ATRN: variants seen among roughly 807,000 people sequenced by gnomAD.
ATRN encodes the protein attractin, also known as attractin-2.
Under a neutral mutation model 178.7 loss-of-function variants are expected in ATRN, and 54 were observed. The ratio of observed to expected loss-of-function variants is 0.30; its 90% CI spans 0.24 to 0.38. The LOEUF (loss-of-function observed/expected upper bound fraction) is 0.38, where lower values mean the gene tolerates loss of function less well. Among genes scored for constraint, ATRN ranks in the 10% least tolerant of loss-of-function variants. ATRN has a pLI of 1.00. For synonymous variants in ATRN, 636 were observed against 663.0 expected (o/e 0.96, Z 0.63); for missense variants, 1,443 against 1,815.1 (o/e 0.79, Z 3.73).
chr20:3,479,554 T>G lies in ATRN; in HGVS notation c.410+8037T>G, dbSNP rs570856326. Among the ~76,000 whole-genome samples, 3 of 152,310 alleles carry G rather than the reference T, an allele frequency of 2.0e-5. No individual in the cohort carries two copies. The East Asian group carries it at 5.8e-4, about 29-fold the overall frequency. The stretch of plus-strand genomic sequence containing the variant: ...TTCCAGAAGGAATGAAGAGTTGATG[T>G]GCAAAGGCAAAGAATTATGGATTAT... On this transcript the variant is annotated intron_variant, in intron 1 of 28. Coordinates refer to ENST00000262919, the MANE Select transcript of ATRN (RefSeq NM_139321.3).
At chr20:3,630,932 T>TGGGGA (rs2086985100) in intron 25 of ATRN, among the ~76,000 whole-genome samples, 1 of 28,400 alleles carries the variant, frequency 3.5e-5, no homozygotes, top group Non-Finnish European at 7.3e-5. Context: ...TTTTTTTTTT[T>TGGGGA]TTTTTTTTTT....
intron 24 of ATRN, among the ~76,000 whole-genome samples, chr20:3,611,608 G>A (rs1245299881): frequency 1.3e-5 from 2 of 152,168 alleles, no homozygotes; most frequent in Non-Finnish European, 2.9e-5. Flanking sequence ...CAGGCATGGT[G>A]GCACATGCCT....
At chr20:3,634,058 A>G (rs552831206) in intron 25 of ATRN, among the ~76,000 whole-genome samples, 4 of 152,330 alleles carry the variant, frequency 2.6e-5, no homozygotes, top group African/African-American at 9.6e-5. Context: ...ATGAAGGCCA[A>G]GTGGAAGGTC....
intron 24 of ATRN, among the ~76,000 whole-genome samples, chr20:3,621,519 G>A (rs534940310): frequency 1.3e-5 from 2 of 152,324 alleles, no homozygotes; most frequent in South Asian, 4.1e-4. Context: ...TGTGGAAGTC[G>A]TAGGACGTGA....
At chr20:3,629,452 C>T (rs2146319468) in intron 25 of ATRN, among the ~76,000 whole-genome samples, 1 of 152,304 alleles carries the variant, frequency 6.6e-6, no homozygotes, top group South Asian at 2.1e-4. Context: ...TTCTCACTAC[C>T]CTTCATTCTG....
intron 1 of ATRN, among the ~76,000 whole-genome samples, chr20:3,481,791 CTTT>C (rs780144563): frequency 1.0e-5 from 1 of 100,496 alleles, no homozygotes; most frequent in South Asian, 3.2e-4. Flanking sequence ...GGTGAATTTC[CTTT>C]TTTTTTTTTT....
chr20:3,520,074 A>G (rs1480264634), intron 1 of ATRN, among the ~76,000 whole-genome samples: 1 of 152,224 alleles, frequency 6.6e-6, no homozygotes, highest in African/African-American at 2.4e-5. Context: ...TTTTATGTTT[A>G]AAATTATATC....
At position 3,540,213 on chromosome 20, in the gene ATRN, TC is replaced by T; in HGVS notation, c.495-8del. Reference sequence around the variant, plus strand: ...CTTTATTATAAATTACTTTTTTTATTCTTTTCAGGCCAAATAGAATAATGAG... The same window carrying T: ...CTTTATTATAAATTACTTTTTTTATTTTTTCAGGCCAAATAGAATAATGAG... On this transcript the variant is annotated splice_polypyrimidine_tract_variant and splice_region_variant and intron_variant, in intron 2 of 28. Coordinates refer to ENST00000262919, the MANE Select transcript of ATRN (RefSeq NM_139321.3). The T allele has an allele frequency of 6.6e-7, 1 of 1,509,688 alleles. No homozygotes were observed. The highest frequency in any genetic ancestry group is 9.0e-7 in the Non-Finnish European group (1 of 1,108,270). The allele number at this position is 1,509,688 out of a possible 1,614,324, so 93.5% of individuals were successfully genotyped here.
intron 1 of ATRN, among the ~76,000 whole-genome samples, chr20:3,492,859 GCGCGCGCGTGCGCA>G (rs1404292428): frequency 1.6e-5 from 2 of 122,122 alleles, no homozygotes; most frequent in Non-Finnish European, 3.4e-5. Context: ...AGAGAGGCGC[GCGCGCGCGTGCGCA>G]CGCACACACA....
At chr20:3,499,567 AAAAC>A (rs1244803396) in intron 1 of ATRN, among the ~76,000 whole-genome samples, 1 of 151,704 alleles carries the variant, frequency 6.6e-6, no homozygotes, top group African/African-American at 2.4e-5. Context: ...AAACCTGAGA[AAAAC>A]AAGCATTGGG....
At chr20:3,500,675 G>A (rs2084949745) in intron 1 of ATRN, among the ~76,000 whole-genome samples, 1 of 138,090 alleles carries the variant, frequency 7.2e-6, no homozygotes. Context: ...ATCACACTCT[G>A]GGGACTGTTG....
At chr20:3,545,472 T>G (rs570722144) in intron 3 of ATRN, among the ~76,000 whole-genome samples, 1 of 152,176 alleles carries the variant, frequency 6.6e-6, no homozygotes, top group Admixed American at 6.5e-5. Context: ...GGTTTATTTT[T>G]TCAAAGAAGC....
intron 1 of ATRN, among the ~76,000 whole-genome samples, chr20:3,513,185 T>C (rs1003693585): frequency 7.9e-5 from 12 of 152,230 alleles, no homozygotes; most frequent in South Asian, 4.1e-4. Context: ...TCCTTGCCCA[T>C]GCCTGTGTCC....
intron 11 of ATRN, among the ~76,000 whole-genome samples, chr20:3,570,968 G>A (rs1020108818): frequency 6.6e-6 from 1 of 152,190 alleles, no homozygotes; most frequent in African/African-American, 2.4e-5. Flanking sequence ...ACGTTTGTGT[G>A]TTTGACCTTC....
At chr20:3,637,085 A>T (rs963883190) in intron 26 of ATRN, among the ~76,000 whole-genome samples, 19 of 152,238 alleles carry the variant, frequency 1.2e-4, no homozygotes, top group African/African-American at 4.6e-4. Flanking sequence ...TACAGGAAAA[A>T]GATTAAAATA....
At chr20:3,568,321 T>C (rs994807689) in intron 11 of ATRN, among the ~76,000 whole-genome samples, 1 of 149,496 alleles carries the variant, frequency 6.7e-6, no homozygotes, top group African/African-American at 2.5e-5. Context: ...AAACCTTATA[T>C]TAATTTTTTA....
chr20:3,495,051 G>C (rs2084859814), intron 1 of ATRN, among the ~76,000 whole-genome samples: 1 of 152,068 alleles, frequency 6.6e-6, no homozygotes, highest in South Asian at 2.1e-4. Flanking sequence ...CATTTATAAT[G>C]GTTGTAGCTT....
chr20:3,475,010 C>T (rs545002447), intron 1 of ATRN, among the ~76,000 whole-genome samples: 16 of 129,572 alleles, frequency 1.2e-4, no homozygotes, highest in Admixed American at 3.8e-4. Flanking sequence ...CCAGACCAGG[C>T]GAGGGTGTGA....
At position 3,650,210 on chromosome 20, in the gene ATRN, A is replaced by G. The variant is rs1484291308; in HGVS notation, c.*3363A>G. On this transcript the variant is annotated 3_prime_UTR_variant, in exon 29 of 29. Transcript: ENST00000262919. ...GTGCAAATCCTGCTCCTTTGATTTA[A>G]TGGGGTGTACTGGGGCCAGGGGCTG... 1 of 152,640 alleles carries G rather than the reference A, an allele frequency of 6.6e-6. No individual in the cohort carries two copies. 9.5% of individuals were successfully genotyped at this position (152,640 alleles called of 1,614,324 possible).
Sources: allele counts gnomAD v4.1 joint callset (sites outside exome capture counted in the v4.1 genomes callset), GRCh38; gene constraint gnomAD v4.1.1; transcripts MANE v1.5; gene names NCBI Gene and HGNC (gene_info 2026-07-23, HGNC 2026-07-21).